TMEM151B: variants seen among roughly 807,000 people sequenced by gnomAD.
TMEM151B encodes transmembrane protein 151B.
Under a neutral mutation model 33.0 loss-of-function variants are expected in TMEM151B, and 18 were observed. That is an observed-to-expected ratio of 0.55 (90% confidence interval 0.38 to 0.81). TMEM151B has a LOEUF of 0.81. Ranked by LOEUF, TMEM151B falls within the 30% of genes least tolerant of loss-of-function variation. The probability of loss-of-function intolerance (pLI) is 0.00; values close to 1 mark genes in which losing one functional copy is unlikely to be tolerated. For synonymous variants in TMEM151B, 354 were observed against 373.6 expected, an observed-to-expected ratio of 0.95 and a Z score of 0.61; for missense variants, 672 against 843.4, an observed-to-expected ratio of 0.80 and a Z score of 2.52.
chr6:44,273,083 C>A lies in TMEM151B; in HGVS notation c.153C>A (p.Pro51=). The stretch of plus-strand genomic sequence containing the variant: ...CTGAGCAGCAGCGTCCCATCCAGCC[C>A]TCTTTCACCAAGTCCCTCTGCCGTG... The part of the protein sequence containing the change: ...PAREEQRPIQ[P]SFTKSLCRES... Residue 51 remains proline, a synonymous_variant, in exon 2 of 3, where the codon CCC becomes CCA. Coordinates refer to ENST00000451188, the MANE Select transcript of TMEM151B (RefSeq NM_001137560.2). 6.7e-7 allele frequency: 1 copy of A among 1,499,494 alleles called. No homozygotes were observed. Among genetic ancestry groups the A allele is most frequent in the Non-Finnish European group, 8.9e-7 (1 of 1,117,764 alleles). 92.9% of individuals were successfully genotyped at this position (1,499,494 alleles called of 1,614,324 possible).
chr6:44,274,968 A>G (rs1301915192), intron 2 of TMEM151B, among the ~76,000 whole-genome samples: 1 of 151,968 alleles, frequency 6.6e-6, no homozygotes, highest in Non-Finnish European at 1.5e-5. Context: ...AACACAAAAA[A>G]TTAGCCTGGC....
rs1782644280 is a variant in TMEM151B, at chr6:44,277,602, AG to A, written c.*1076del. The A allele has an allele frequency of 6.6e-6, 1 of 152,142 alleles. No homozygotes were observed. Among genetic ancestry groups the A allele is most frequent in the Non-Finnish European group, 1.5e-5 (1 of 68,050 alleles). The allele number at this position is 152,142 out of a possible 1,614,324, so 9.4% of individuals were successfully genotyped here. On this transcript the variant is annotated 3_prime_UTR_variant, in exon 3 of 3. Coordinates refer to ENST00000451188, the MANE Select transcript of TMEM151B (RefSeq NM_001137560.2). ...TCCCTAAACCTGTGCGGAGGAGTGG[AG>A]TGTGCTTGTCGCTCAAACACATCTC...
chr6:44,271,307 G>A (rs1240426148), intron 1 of TMEM151B, among the ~76,000 whole-genome samples: 1 of 121,114 alleles, frequency 8.3e-6, no homozygotes, highest in Non-Finnish European at 1.8e-5. Flanking sequence ...GGGACCCTAA[G>A]GAGGTCAGAT....
Position 44,273,358 on chromosome 6 carries a change from G to T in TMEM151B, c.428G>T (p.Arg143Leu). 6.4e-7 allele frequency: 1 copy of T among 1,551,588 alleles called. No homozygotes were observed. The highest frequency in any genetic ancestry group is 2.0e-5 in the Admixed American group (1 of 51,014). The change falls in exon 2 of 3, where the codon CGT (arginine) becomes CTT (leucine). Residue 143 changes from arginine (R) to leucine (L), a missense_variant. Arg to Leu is a moderately radical substitution (Grantham distance 102). Around this residue, in one of 3 missense-constraint regions of TMEM151B, gnomAD observed 285 missense variants for 423.1 expected, o/e 0.67. Transcript: ENST00000451188. ...HCQARHELQH[R>L]VDVSSVRERV... Reference sequence around the variant, plus strand: ...CAAGCCCGCCATGAGCTGCAGCACCGTGTTGATGTGAGCAGTGTGCGGGAA... The same window carrying T: ...CAAGCCCGCCATGAGCTGCAGCACCTTGTTGATGTGAGCAGTGTGCGGGAA...
At position 44,275,447 on chromosome 6, in the gene TMEM151B, C is replaced by G; in HGVS notation, c.621C>G (p.Phe207Leu). ...RVNTHVAEAEFDYARCGVRDV... is the reference protein window; with the variant it reads ...RVNTHVAEAELDYARCGVRDV... ...ACACGCACGTGGCGGAGGCTGAGTT[C>G]GACTACGCGCGCTGCGGCGTTCGCG... Residue 207 changes from phenylalanine (F) to leucine (L), a missense_variant, in exon 3 of 3, where the codon TTC becomes TTG. Coordinates refer to ENST00000451188, the MANE Select transcript of TMEM151B (RefSeq NM_001137560.2). The G allele has an allele frequency of 5.2e-6, 8 of 1,538,754 alleles. No individual in the cohort carries two copies. Among genetic ancestry groups the G allele is most frequent in the Non-Finnish European group, 7.0e-6 (8 of 1,138,112 alleles).
chr6:44,270,933 C>A, intron 1 of TMEM151B, 56 bp downstream of exon 1: 1 of 1,021,332 alleles, frequency 9.8e-7, no homozygotes, highest in East Asian at 8.4e-5. Context: ...CCCCCCATCC[C>A]CCATCGCACG....
At position 44,275,957 on chromosome 6, in the gene TMEM151B, C is replaced by T. The variant is rs778169811; in HGVS notation, c.1131C>T (p.Ile377=). Reference sequence around the variant, plus strand: ...ACAGCACGGAGCTCGAGTGGCACATCCGCTCCAACCAGCAGCTGGTGCCCA... The same window carrying T: ...ACAGCACGGAGCTCGAGTGGCACATTCGCTCCAACCAGCAGCTGGTGCCCA... ...TVDSTELEWH[I]RSNQQLVPSY... The change falls in exon 3 of 3, where the codon ATC becomes ATT. Residue 377 remains isoleucine, a synonymous_variant. Coordinates refer to ENST00000451188, the MANE Select transcript of TMEM151B (RefSeq NM_001137560.2). The T allele has an allele frequency of 1.4e-4, 212 of 1,469,360 alleles. No homozygotes were observed. Among genetic ancestry groups the T allele is most frequent in the Non-Finnish European group, 1.8e-4 (198 of 1,106,126 alleles). 91.0% of individuals were successfully genotyped at this position (1,469,360 alleles called of 1,614,324 possible). A position where few individuals can be genotyped will look rare whatever the true frequency, so the allele number is the denominator to read the frequency against.
In TMEM151B at chr6:44,278,005, C is replaced by T. The variant is rs1254819567; in HGVS notation, c.*1478C>T. The stretch of plus-strand genomic sequence containing the variant: ...CACATTTCAGGCTAGAGAGGATAAC[C>T]CTTGGGCCACCCACATCTCTCACCC... On this transcript the variant is annotated 3_prime_UTR_variant, in exon 3 of 3. Coordinates refer to ENST00000451188, the MANE Select transcript of TMEM151B (RefSeq NM_001137560.2). 1 of 152,924 alleles carries T rather than the reference C, an allele frequency of 6.5e-6. No homozygotes were observed. Among genetic ancestry groups the T allele is most frequent in the Non-Finnish European group, 1.5e-5 (1 of 68,328 alleles). 9.5% of individuals were successfully genotyped at this position (152,924 alleles called of 1,614,324 possible). A position where few individuals can be genotyped will look rare whatever the true frequency, so the allele number is the denominator to read the frequency against.
At position 44,270,795 on chromosome 6, in the gene TMEM151B, G is replaced by GCGGTGGCGGCCC; in HGVS notation, c.57_68dup (p.Gly20_Gly23dup). On this transcript the variant is annotated inframe_insertion, in exon 1 of 3. Transcript: ENST00000451188. ...GAGAGCGCCGCCGGCGGCGGCGGCG[G>GCGGTGGCGGCCC]CGGTGGCGGCCCCGGGGTCTCGGAG... 8.8e-7 allele frequency: 1 copy of GCGGTGGCGGCCC among 1,134,554 alleles called. No homozygotes were observed. Among genetic ancestry groups the GCGGTGGCGGCCC allele is most frequent in the East Asian group, 4.3e-5 (1 of 23,064 alleles). 70.3% of individuals were successfully genotyped at this position (1,134,554 alleles called of 1,614,324 possible). A position where few individuals can be genotyped will look rare whatever the true frequency, so the allele number is the denominator to read the frequency against.
chr6:44,276,692 C>T lies in TMEM151B; in HGVS notation c.*165C>T. On this transcript the variant is annotated 3_prime_UTR_variant, in exon 3 of 3. Coordinates refer to ENST00000451188, the MANE Select transcript of TMEM151B (RefSeq NM_001137560.2). ...GGCCCGGATGGGGCCGAGACCCCCG[C>T]TGTCCCTGTACATAAAGAGACCGAT... 1 of 1,253,430 alleles carries T rather than the reference C, an allele frequency of 8.0e-7. No individual in the cohort carries two copies. Among genetic ancestry groups the T allele is most frequent in the Non-Finnish European group, 1.0e-6 (1 of 996,304 alleles). 77.6% of individuals were successfully genotyped at this position (1,253,430 alleles called of 1,614,324 possible).
Position 44,275,959 on chromosome 6 carries a change from G to A in TMEM151B, c.1133G>A (p.Arg378His), listed in dbSNP as rs563840579. 2.4e-5 allele frequency: 35 copies of A among 1,467,298 alleles called. No individual in the cohort carries two copies. The East Asian group carries it at 8.4e-4, about 35-fold the overall frequency. 90.9% of individuals were successfully genotyped at this position (1,467,298 alleles called of 1,614,324 possible). A position where few individuals can be genotyped will look rare whatever the true frequency, so the allele number is the denominator to read the frequency against. The change falls in exon 3 of 3, where the codon CGC becomes CAC. Residue 378 changes from arginine to histidine, a missense_variant. Arg to His is a conservative substitution (Grantham distance 29). This residue lies in a region of TMEM151B where 324 missense variants were observed against 363.1 expected (regional missense o/e 0.89). Coordinates refer to ENST00000451188, the MANE Select transcript of TMEM151B (RefSeq NM_001137560.2). ...VDSTELEWHI[R>H]SNQQLVPSYS... ...AGCACGGAGCTCGAGTGGCACATCC[G>A]CTCCAACCAGCAGCTGGTGCCCAGC...
rs1200280332 is a variant in TMEM151B at position 44,275,805 on chromosome 6, T to C, written c.979T>C (p.Tyr327His). ...LAEYRTAYAH[Y>H]HVEKLFGLEG... Reference sequence around the variant, plus strand: ...CGAGTACCGCACGGCCTACGCGCACTACCACGTGGAGAAGCTATTTGGCCT... The same window carrying C: ...CGAGTACCGCACGGCCTACGCGCACCACCACGTGGAGAAGCTATTTGGCCT... The change falls in exon 3 of 3, where the codon TAC (tyrosine) becomes CAC (histidine). Residue 327 changes from tyrosine (Y) to histidine (H), a missense_variant. Coordinates refer to ENST00000451188, the MANE Select transcript of TMEM151B (RefSeq NM_001137560.2). 1 of 1,543,182 alleles carries C rather than the reference T, an allele frequency of 6.5e-7. No individual in the cohort carries two copies. The highest frequency in any genetic ancestry group is 8.7e-7 in the Non-Finnish European group (1 of 1,145,654).
rs1032287126 is a variant in TMEM151B, at chr6:44,276,709, G to A, written c.*182G>A. 1.7e-6 allele frequency: 2 copies of A among 1,204,818 alleles called. No individual in the cohort carries two copies. The highest frequency in any genetic ancestry group is 3.1e-5 in the African/African-American group (2 of 63,780). The allele number at this position is 1,204,818 out of a possible 1,614,324, so 74.6% of individuals were successfully genotyped here. Reference sequence around the variant, plus strand: ...GACCCCCGCTGTCCCTGTACATAAAGAGACCGATGGGTGGGAGGGGGTCGG... The same window carrying A: ...GACCCCCGCTGTCCCTGTACATAAAAAGACCGATGGGTGGGAGGGGGTCGG... On this transcript the variant is annotated 3_prime_UTR_variant, in exon 3 of 3. Coordinates refer to ENST00000451188, the MANE Select transcript of TMEM151B (RefSeq NM_001137560.2).
chr6:44,276,304 G>A lies in TMEM151B; in HGVS notation c.1478G>A (p.Gly493Glu), dbSNP rs1230175119. Residue 493 changes from glycine (G) to glutamate (E), a missense_variant, in exon 3 of 3, where the codon GGG becomes GAG. Around this residue, in one of 3 missense-constraint regions of TMEM151B, gnomAD observed 324 missense variants for 363.1 expected, o/e 0.89. Coordinates refer to ENST00000451188, the MANE Select transcript of TMEM151B (RefSeq NM_001137560.2). ...AGCTGCCTGTGGCGCAGCCGCAGCGGGAGCGTCAACGAGGCCAGCTGCCCC... is the reference window on the plus strand; with the variant it reads ...AGCTGCCTGTGGCGCAGCCGCAGCGAGAGCGTCAACGAGGCCAGCTGCCCC... ...RRSCLWRSRS[G>E]SVNEASCPTE... 13 of 1,434,882 alleles carry A rather than the reference G, an allele frequency of 9.1e-6. No homozygotes were observed. The highest frequency in any genetic ancestry group is 1.2e-5 in the Non-Finnish European group (13 of 1,093,424). 88.9% of individuals were successfully genotyped at this position (1,434,882 alleles called of 1,614,324 possible).
rs978574156 is a variant in TMEM151B, at chr6:44,276,025, C to A, written c.1199C>A (p.Thr400Lys). ...CTCATGGACCTGGCGGGGCTCGGGA[C>A]GCGCTGCGGCGGGGCAGGCGGCGGC... ...AVLMDLAGLG[T>K]RCGGAGGGYA... Residue 400 changes from threonine (T) to lysine (K), a missense_variant, in exon 3 of 3, where the codon ACG becomes AAG. This residue lies in a region of TMEM151B where 324 missense variants were observed against 363.1 expected (regional missense o/e 0.89). Coordinates refer to ENST00000451188, the MANE Select transcript of TMEM151B (RefSeq NM_001137560.2). 4.1e-5 allele frequency: 56 copies of A among 1,351,184 alleles called. No individual in the cohort carries two copies. The highest frequency in any genetic ancestry group is 4.8e-5 in the Non-Finnish European group (51 of 1,054,208). The allele number at this position is 1,351,184 out of a possible 1,614,324, so 83.7% of individuals were successfully genotyped here.
chr6:44,276,232 G>C lies in TMEM151B; in HGVS notation c.1406G>C (p.Cys469Ser). The change falls in exon 3 of 3, where the codon TGC becomes TCC. Residue 469 changes from cysteine to serine, a missense_variant. By Grantham distance (112) the Cys-to-Ser change is moderately radical. This residue lies in a region of TMEM151B where 324 missense variants were observed against 363.1 expected (regional missense o/e 0.89). Coordinates refer to ENST00000451188, the MANE Select transcript of TMEM151B (RefSeq NM_001137560.2). ...CCGGGGCCCGGTGGGGGCGCGGGCT[G>C]CGGGGGCAGCCGCTTCTCGCTGGGC... ...AGPGPGGGAG[C>S]GGSRFSLGRL... 1 of 1,296,064 alleles carries C rather than the reference G, an allele frequency of 7.7e-7. No homozygotes were observed. The highest frequency in any genetic ancestry group is 9.8e-7 in the Non-Finnish European group (1 of 1,025,580). 80.3% of individuals were successfully genotyped at this position (1,296,064 alleles called of 1,614,324 possible). A position where few individuals can be genotyped will look rare whatever the true frequency, so the allele number is the denominator to read the frequency against.
intron 1 of TMEM151B, among the ~76,000 whole-genome samples, chr6:44,271,350 AGT>A (rs1178828687): frequency 7.3e-4 from 60 of 81,986 alleles, no homozygotes; most frequent in African/African-American, 1.5e-3. Flanking sequence ...GGTCATTGGG[AGT>A]GTGTGTGTGT....
At chr6:44,273,586 C>G in intron 2 of TMEM151B, 80 bp downstream of exon 2, 1 of 1,429,488 alleles carries the variant, frequency 7.0e-7, no homozygotes, top group Non-Finnish European at 9.4e-7. Flanking sequence ...CCCCACCTCC[C>G]TGGGGGGAAG....
chr6:44,273,413 C>G lies in TMEM151B; in HGVS notation c.483C>G (p.Pro161=). ...ERVGRMQQAT[P]CIWWKAISYH... ...TGGGCCGCATGCAGCAAGCCACGCC[C>G]TGCATCTGGTGGAAGGCCATCAGCT... The change falls in exon 2 of 3, where the codon CCC becomes CCG. Residue 161 remains proline, a synonymous_variant. Transcript: ENST00000451188. The G allele has an allele frequency of 6.4e-7, 1 of 1,551,264 alleles. No homozygotes were observed. The highest frequency in any genetic ancestry group is 1.4e-5 in the African/African-American group (1 of 73,204).
Sources: allele counts gnomAD v4.1 joint callset (sites outside exome capture counted in the v4.1 genomes callset), GRCh38; gene constraint gnomAD v4.1.1; regional missense constraint gnomAD v4.1.1; transcripts MANE v1.5; gene names NCBI Gene and HGNC (gene_info 2026-07-23, HGNC 2026-07-21).